NUP214: variants seen among roughly 807,000 people sequenced by gnomAD.
The protein encoded by NUP214 is nuclear pore complex protein Nup214.
Under a neutral mutation model 196.2 loss-of-function variants are expected in NUP214, and 79 were observed. The observed-to-expected ratio is 0.40, with a 90% CI of 0.34 to 0.49. NUP214 has a LOEUF of 0.49. NUP214 is among the 20% of genes least tolerant of loss of function. The probability of loss-of-function intolerance (pLI) is 0.58; values close to 1 mark genes in which losing one functional copy is unlikely to be tolerated. For missense variants in NUP214, 2,468 were observed against 2,539.0 expected, an observed-to-expected ratio of 0.97 and a Z score of 0.60; for synonymous variants, 1,020 against 990.5, an observed-to-expected ratio of 1.03 and a Z score of -0.56.
chr9:131,206,141 C>CTTTTTTTTTTTTTTTTTTTTTTTT (rs1588166866), intron 30 of NUP214, among the ~76,000 whole-genome samples: 1 of 23,870 alleles, frequency 4.2e-5, no homozygotes, highest in Non-Finnish European at 8.2e-5. Flanking sequence ...GAATTTTTTT[C>CTTTTTTTTTTTTTTTTTTTTTTTT]TTTTTTCTTT....
chr9:131,138,075 A>G (rs1190150172), intron 9 of NUP214, among the ~76,000 whole-genome samples: 3 of 152,166 alleles, frequency 2.0e-5, no homozygotes, highest in Non-Finnish European at 4.4e-5. Flanking sequence ...GCTAAGTCAC[A>G]TAGTGTGATT....
Position 131,197,499 on chromosome 9 carries a change from A to G in NUP214, c.4005A>G (p.Ser1335=). ...CTGGAGAGACTCTGGGAAGTTTTTC[A>G]GGACTGCGGGTTGGCCAAGCAGATG... The part of the protein sequence containing the change: ...SLAGETLGSF[S]GLRVGQADDS... The change falls in exon 29 of 36, where the codon TCA becomes TCG. Residue 1335 remains serine, a synonymous_variant. Transcript: ENST00000359428. 1 of 1,614,216 alleles carries G rather than the reference A, an allele frequency of 6.2e-7. No homozygotes were observed. Among genetic ancestry groups the G allele is most frequent in the Non-Finnish European group, 8.5e-7 (1 of 1,180,028 alleles).
intron 21 of NUP214, among the ~76,000 whole-genome samples, chr9:131,165,574 A>G (rs1161140656): frequency 6.6e-6 from 1 of 152,222 alleles, no homozygotes; most frequent in African/African-American, 2.4e-5. Flanking sequence ...TGGTTCCTCA[A>G]AAAATTAAAA....
chr9:131,172,714 A>C (rs1281906084), intron 21 of NUP214, among the ~76,000 whole-genome samples: 1 of 152,238 alleles, frequency 6.6e-6, no homozygotes, highest in Non-Finnish European at 1.5e-5. Flanking sequence ...ACATATGGCT[A>C]CTGGCTACCA....
rs1354626799 is a variant in NUP214, at chr9:131,146,075, G to A, written c.1770-54G>A. 6 of 1,511,744 alleles carry A rather than the reference G, an allele frequency of 4.0e-6. No homozygotes were observed. In the East Asian group the frequency reaches 1.4e-4, roughly 34 times the overall value. The allele number at this position is 1,511,744 out of a possible 1,614,324, so 93.6% of individuals were successfully genotyped here. On this transcript the variant is annotated intron_variant, in intron 12 of 35. Coordinates refer to ENST00000359428, the MANE Select transcript of NUP214 (RefSeq NM_005085.4). This position sits in a 1 kb window ranked among gnomAD's most constrained non-coding sequence, Gnocchi z 4.6. ...TTTTGATGACATTGCTCATGCTAGT[G>A]TAAAAGAATCTTCTAGCAGGCTCTT...
At chr9:131,185,344 A>G (rs1007450708) in intron 24 of NUP214, among the ~76,000 whole-genome samples, 12 of 152,234 alleles carry the variant, frequency 7.9e-5, no homozygotes, top group African/African-American at 2.7e-4. Context: ...CCAGACTCTT[A>G]GTGATCTGTG....
rs147822265 is a variant in NUP214 at position 131,137,636 on chromosome 9, C to T, written c.1005+1630C>T. Among the ~76,000 whole-genome samples, 1,131 of 151,096 alleles carry T rather than the reference C, an allele frequency of 7.5e-3. 13 individuals carry two copies. Among genetic ancestry groups the T allele is most frequent in the African/African-American group, 0.026 (1,063 of 41,048 alleles). The stretch of plus-strand genomic sequence containing the variant: ...CGCCATCTTGGCTCACTGCAACCTC[C>T]GCCTCCCTGGTTCAAGCGATTCTCA... On this transcript the variant is annotated intron_variant, in intron 9 of 35. Transcript: ENST00000359428.
chr9:131,231,626 A>G (rs1019318042), intron 34 of NUP214, among the ~76,000 whole-genome samples: 2 of 151,360 alleles, frequency 1.3e-5, no homozygotes, highest in Non-Finnish European at 2.9e-5. Flanking sequence ...CTAAGCCAGC[A>G]GACTCAAAAA....
intron 3 of NUP214, chr9:131,128,929 A>G: frequency 3.0e-6 from 1 of 337,052 alleles, no homozygotes; most frequent in South Asian, 2.8e-5. Flanking sequence ...TTTTATAGGT[A>G]GAGAAACAGG....
At chr9:131,192,346 A>G in intron 27 of NUP214, 54 bp downstream of exon 27, 1 of 1,036,146 alleles carries the variant, frequency 9.7e-7, no homozygotes, top group South Asian at 1.4e-5. Context: ...GCTTCCCCAA[A>G]TCTTACAATT....
At chr9:131,216,868 G>A (rs1203022986) in intron 31 of NUP214, among the ~76,000 whole-genome samples, 1 of 152,132 alleles carries the variant, frequency 6.6e-6, no homozygotes, top group East Asian at 1.9e-4. Context: ...GGTTGGAAAT[G>A]AAAGAAATCT....
At chr9:131,158,231 A>G (rs947964622) in intron 17 of NUP214, among the ~76,000 whole-genome samples, 62 of 150,594 alleles carry the variant, frequency 4.1e-4, no homozygotes, top group African/African-American at 1.4e-3. Flanking sequence ...GGCATGCATC[A>G]CCCTGCCCAG....
In NUP214 at chr9:131,197,240, C is replaced by A; in HGVS notation, c.3746C>A (p.Ser1249Ter). Residue 1249 changes from serine to a stop codon, truncating the protein, a stop_gained, in exon 29 of 36, where the codon TCA (serine) becomes TAA (stop). Coordinates refer to ENST00000359428, the MANE Select transcript of NUP214 (RefSeq NM_005085.4). LOFTEE classifies it high-confidence loss of function. Reference sequence around the variant, plus strand: ...GGGGCAACACCCTCCACTAAAGAGTCAAGCCAGCCGGACGCATTCTCATCT... The same window carrying A: ...GGGGCAACACCCTCCACTAAAGAGTAAAGCCAGCCGGACGCATTCTCATCT... ...AQGATPSTKESSQPDAFSSGG... is the reference protein window; with the variant it reads ...AQGATPSTKE 6.2e-7 allele frequency: 1 copy of A among 1,614,150 alleles called. No homozygotes were observed. The highest frequency in any genetic ancestry group is 1.1e-5 in the South Asian group (1 of 91,058).
rs1023428738 is a variant in NUP214 at position 131,151,648 on chromosome 9, G to A, written c.2278-88G>A. 77 of 1,008,294 alleles carry A rather than the reference G, an allele frequency of 7.6e-5. No homozygotes were observed. In the Middle Eastern group the frequency reaches 1.6e-3, roughly 21 times the overall value. The allele number at this position is 1,008,294 out of a possible 1,614,324, so 62.5% of individuals were successfully genotyped here. The stretch of plus-strand genomic sequence containing the variant: ...CAGATGTTCATTCTGTTCAGTGAGC[G>A]TTTGAGAAACACCACCTTCCTTGAT... On this transcript the variant is annotated intron_variant, in intron 16 of 35. Coordinates refer to ENST00000359428, the MANE Select transcript of NUP214 (RefSeq NM_005085.4).
In NUP214 at chr9:131,129,363, A is replaced by G. The variant is rs747079525; in HGVS notation, c.478A>G (p.Thr160Ala). ...GGTGATTGATATGAAGTGGAACCCC[A>G]CTGTCCCCTCCATGGTGGCAGTTTG... ...GMVIDMKWNP[T>A]VPSMVAVCLA... The change falls in exon 4 of 36, where the codon ACT becomes GCT. Residue 160 changes from threonine to alanine, a missense_variant. By Grantham distance (58) the Thr-to-Ala change is moderately conservative. Transcript: ENST00000359428. The G allele has an allele frequency of 1.2e-6, 2 of 1,614,192 alleles. No individual in the cohort carries two copies. The highest frequency in any genetic ancestry group is 1.1e-5 in the South Asian group (1 of 91,090).
chr9:131,151,685 G>C (rs1466347179), intron 16 of NUP214, 51 bp from the exon 17 acceptor site: 3 of 1,453,126 alleles, frequency 2.1e-6, no homozygotes, highest in Non-Finnish European at 9.4e-7. Flanking sequence ...CAAACAGAAA[G>C]ATTTGGACGT....
At chr9:131,199,747 G>C (rs182425411) in intron 29 of NUP214, among the ~76,000 whole-genome samples, 1 of 152,326 alleles carries the variant, frequency 6.6e-6, no homozygotes, top group East Asian at 1.9e-4. Context: ...TTCAGCAATA[G>C]ACTCTAGGAG....
chr9:131,134,010 G>A (rs973937077), intron 7 of NUP214, among the ~76,000 whole-genome samples: 43 of 152,086 alleles, frequency 2.8e-4, no homozygotes, highest in African/African-American at 1.0e-3. Context: ...GTAGTGGTGC[G>A]ATCACAGCTC....
intron 27 of NUP214, chr9:131,192,506 T>G (rs1833636017): frequency 2.6e-6 from 1 of 385,596 alleles, no homozygotes. Context: ...TTGTTACATA[T>G]TTGTGTATCT....
Sources: gnomAD v4.1 joint callset for allele counts (sites outside exome capture counted in the v4.1 genomes callset) on GRCh38, gnomAD v4.1.1 for gene constraint, Gnocchi (gnomAD v3.1) non-coding constraint, MANE v1.5 for transcripts, NCBI Gene and HGNC (gene_info 2026-07-23, HGNC 2026-07-21) for gene names.